The following ZNF385B variants were observed in gnomAD, a reference collection of about 807,000 sequenced individuals.
The protein encoded by ZNF385B is zinc finger protein 533.
Under a neutral mutation model 39.2 loss-of-function variants are expected in ZNF385B, and 23 were observed. The ratio of observed to expected loss-of-function variants is 0.59; its 90% CI spans 0.42 to 0.83. The LOEUF is 0.83. Among genes scored for constraint, ZNF385B ranks in the 40% least tolerant of loss-of-function variants. The pLI, the probability that ZNF385B is intolerant of heterozygous loss-of-function variation, is 0.00. For missense variants in ZNF385B, 552 were observed against 598.9 expected (o/e 0.92, Z 0.82); for synonymous variants, 205 against 222.6 (o/e 0.92, Z 0.70).
intron 1 of ZNF385B, among the ~76,000 whole-genome samples, chr2:179,779,389 A>C (rs1445498033): frequency 2.6e-5 from 4 of 152,260 alleles, no homozygotes; most frequent in Non-Finnish European, 5.9e-5. Flanking sequence ...ATAAAGCTGC[A>C]GAGCAGAGCA....
At chr2:179,795,747 A>G (rs1006549787) in intron 1 of ZNF385B, among the ~76,000 whole-genome samples, 1 of 152,176 alleles carries the variant, frequency 6.6e-6, no homozygotes, top group Non-Finnish European at 1.5e-5. Flanking sequence ...CTTTAATAAG[A>G]CACAAATTTT....
intron 3 of ZNF385B, among the ~76,000 whole-genome samples, chr2:179,692,824 G>C (rs973017142): frequency 6.6e-6 from 1 of 152,170 alleles, no homozygotes; most frequent in Non-Finnish European, 1.5e-5. Flanking sequence ...CTCAGTGCTT[G>C]CTGGAGCTTC....
chr2:179,568,736 A>G (rs1684878466), intron 3 of ZNF385B, among the ~76,000 whole-genome samples: 2 of 152,174 alleles, frequency 1.3e-5, no homozygotes, highest in African/African-American at 4.8e-5. Flanking sequence ...CTTAGTACAC[A>G]TTTCCATTTA....
chr2:179,651,193 T>C (rs142247904), intron 3 of ZNF385B, among the ~76,000 whole-genome samples: 41 of 152,214 alleles, frequency 2.7e-4, no homozygotes, highest in African/African-American at 9.1e-4. Flanking sequence ...ATCACACAAG[T>C]TGCCTTCAAA....
chr2:179,490,316 A>ACACACAC (rs2055074758), intron 5 of ZNF385B, among the ~76,000 whole-genome samples: 1 of 149,986 alleles, frequency 6.7e-6, no homozygotes, highest in African/African-American at 2.4e-5. Context: ...TACACACACA[A>ACACACAC]ACACACACAC....
At chr2:179,449,095 T>G (rs894320134) in intron 6 of ZNF385B, among the ~76,000 whole-genome samples, 1 of 152,130 alleles carries the variant, frequency 6.6e-6, no homozygotes, top group African/African-American at 2.4e-5. Flanking sequence ...GACAATGTGC[T>G]AGACACTAAA....
chr2:179,814,536 A>T, intron 1 of ZNF385B: 2 of 764,312 alleles, frequency 2.6e-6, no homozygotes, highest in Non-Finnish European at 4.3e-6. Flanking sequence ...TGTCTTGGGG[A>T]CTGGCAACAA....
At chr2:179,578,127 A>G (rs1686051002) in intron 3 of ZNF385B, among the ~76,000 whole-genome samples, 1 of 152,126 alleles carries the variant, frequency 6.6e-6, no homozygotes, top group South Asian at 2.1e-4. Flanking sequence ...GATAATGTTT[A>G]TATTTATGTA....
chr2:179,554,498 C>T (rs552421860), intron 3 of ZNF385B, among the ~76,000 whole-genome samples: 25 of 148,876 alleles, frequency 1.7e-4, no homozygotes, highest in African/African-American at 5.1e-4. Context: ...CTTAGGGTTT[C>T]TGGATTAAAA....
At chr2:179,511,690 C>T (rs1320157597) in intron 5 of ZNF385B, among the ~76,000 whole-genome samples, 1 of 152,154 alleles carries the variant, frequency 6.6e-6, no homozygotes, top group African/African-American at 2.4e-5. Context: ...GTTGATTACC[C>T]TACCATTTTA....
At chr2:179,575,548 C>G (rs1238633350) in intron 3 of ZNF385B, among the ~76,000 whole-genome samples, 1 of 152,096 alleles carries the variant, frequency 6.6e-6, no homozygotes. Flanking sequence ...TGCTCCTTTC[C>G]TTGGAAAGCT....
At chr2:179,701,386 A>T (rs12617158) in intron 3 of ZNF385B, among the ~76,000 whole-genome samples, 8,499 of 152,326 alleles carry the variant, frequency 0.056, 462 homozygotes, top group East Asian at 0.26. Flanking sequence ...AGACAATAAT[A>T]ACTAATGACT....
At chr2:179,737,275 C>A (rs370929855) in intron 3 of ZNF385B, among the ~76,000 whole-genome samples, 1 of 152,010 alleles carries the variant, frequency 6.6e-6, no homozygotes, top group Non-Finnish European at 1.5e-5. Context: ...TCAAGTATAA[C>A]GAGAAAATGT....
chr2:179,747,898 T>C (rs1702473234), intron 3 of ZNF385B, among the ~76,000 whole-genome samples: 1 of 152,118 alleles, frequency 6.6e-6, no homozygotes, highest in Non-Finnish European at 1.5e-5. Flanking sequence ...TTCATACTCA[T>C]TGGGATAAAT....
At chr2:179,528,207 A>C (rs1559411511) in intron 4 of ZNF385B, among the ~76,000 whole-genome samples, 1 of 152,228 alleles carries the variant, frequency 6.6e-6, no homozygotes, top group Non-Finnish European at 1.5e-5. Flanking sequence ...TCAGTCTGTG[A>C]GATGTCTGCA....
chr2:179,781,664 C>T (rs1704671280), intron 1 of ZNF385B, among the ~76,000 whole-genome samples: 1 of 152,024 alleles, frequency 6.6e-6, no homozygotes, highest in Non-Finnish European at 1.5e-5. Flanking sequence ...AGAAAAACAA[C>T]CAACATAAAC....
intron 3 of ZNF385B, among the ~76,000 whole-genome samples, chr2:179,718,762 G>A (rs1315983845): frequency 6.7e-6 from 1 of 149,998 alleles, no homozygotes; most frequent in Non-Finnish European, 1.5e-5. Context: ...CAGCACTTTG[G>A]TAGACCTAGA....
intron 3 of ZNF385B, among the ~76,000 whole-genome samples, chr2:179,688,490 AAACAACAAC>A (rs75401653): frequency 1.3e-4 from 19 of 149,564 alleles, no homozygotes; most frequent in African/African-American, 9.9e-5. Context: ...TCCCCCTGCA[AAACAACAAC>A]AACAACAACA....
chr2:179,626,596 T>G (rs1310532491), intron 3 of ZNF385B, among the ~76,000 whole-genome samples: 1 of 152,162 alleles, frequency 6.6e-6, no homozygotes, highest in African/African-American at 2.4e-5. Context: ...TAACTTATAA[T>G]TCAGATTTTC....
Sources: allele counts gnomAD v4.1 joint callset (sites outside exome capture counted in the v4.1 genomes callset), GRCh38; gene constraint gnomAD v4.1.1; transcripts MANE v1.5; gene names NCBI Gene and HGNC (gene_info 2026-07-23, HGNC 2026-07-21).